MDGA2: variants seen among roughly 807,000 people sequenced by gnomAD.
The protein encoded by MDGA2 is MAM domain containing glycosylphosphatidylinositol anchor 2, also known as MAM domain-containing glycosylphosphatidylinositol anchor protein 2.
In MDGA2, 40 loss-of-function variants were observed where a neutral mutation model predicts 117.8. The observed-to-expected ratio is 0.34, with a 90% CI of 0.26 to 0.44. The LOEUF is 0.44. Ranked by LOEUF, MDGA2 falls within the 20% of genes least tolerant of loss-of-function variation. The pLI is 1.00. For missense variants in MDGA2, 1,123 were observed against 1,250.6 expected (o/e 0.90, Z 1.54); for synonymous variants, 452 against 439.0 (o/e 1.03, Z -0.37).
intron 1 of MDGA2, among the ~76,000 whole-genome samples, chr14:47,436,022 C>T (rs992647113): frequency 6.6e-6 from 1 of 152,012 alleles, no homozygotes; most frequent in Non-Finnish European, 1.5e-5. Flanking sequence ...TCAGAGAGGC[C>T]ATCCTTATGA....
At chr14:47,293,408 C>T (rs1401525129) in intron 2 of MDGA2, among the ~76,000 whole-genome samples, 2 of 152,126 alleles carry the variant, frequency 1.3e-5, no homozygotes, top group Non-Finnish European at 2.9e-5. Flanking sequence ...AGCCCAGTAT[C>T]GTCACACTCT....
chr14:46,881,468 C>T (rs913890784), intron 11 of MDGA2, among the ~76,000 whole-genome samples: 3 of 152,058 alleles, frequency 2.0e-5, no homozygotes, highest in Non-Finnish European at 1.5e-5. Flanking sequence ...CATATAACTG[C>T]ACAACACAAA....
intron 1 of MDGA2, among the ~76,000 whole-genome samples, chr14:47,359,109 A>G (rs1891057017): frequency 6.6e-6 from 1 of 152,200 alleles, no homozygotes; most frequent in Non-Finnish European, 1.5e-5. Flanking sequence ...TAATCCCAGC[A>G]CTTTGGGAGG....
intron 1 of MDGA2, among the ~76,000 whole-genome samples, chr14:47,351,207 G>A (rs1435202723): frequency 3.3e-5 from 5 of 151,440 alleles, no homozygotes; most frequent in Non-Finnish European, 7.4e-5. Flanking sequence ...TCAGCCTCCC[G>A]AGTAGCTGGG....
chr14:47,418,367 C>G (rs557586885), intron 1 of MDGA2, among the ~76,000 whole-genome samples: 2 of 152,020 alleles, frequency 1.3e-5, no homozygotes, highest in East Asian at 1.9e-4. Flanking sequence ...ATTACAGGTG[C>G]GAGCCACCAC....
intron 5 of MDGA2, 90 bp downstream of exon 5, chr14:47,131,624 G>C: frequency 9.4e-7 from 1 of 1,063,452 alleles, no homozygotes; most frequent in East Asian, 2.4e-5. Flanking sequence ...ATACACCGTA[G>C]AAATCATTTG....
chr14:47,104,696 A>C (rs1456935684), intron 5 of MDGA2, among the ~76,000 whole-genome samples: 1 of 151,960 alleles, frequency 6.6e-6, no homozygotes, highest in Admixed American at 6.5e-5. Context: ...GCCGTGACTC[A>C]GATCGGGGGA....
chr14:47,439,232 G>A (rs967202658), intron 1 of MDGA2, among the ~76,000 whole-genome samples: 1 of 151,950 alleles, frequency 6.6e-6, no homozygotes, highest in African/African-American at 2.4e-5. Context: ...TGAGAGATAT[G>A]GCAATGACTT....
chr14:47,362,002 T>A lies in MDGA2; in HGVS notation c.281-60452A>T, dbSNP rs117467592. ...GATAGTGGGTTTTGTTTTAACATTATACTTTGCAAAATAGAAAGTTTGTAA... is the reference window on the plus strand; with the variant it reads ...GATAGTGGGTTTTGTTTTAACATTAAACTTTGCAAAATAGAAAGTTTGTAA... On this transcript the variant is annotated intron_variant, in intron 1 of 16. Coordinates refer to ENST00000399232, the MANE Select transcript of MDGA2 (RefSeq NM_001113498.3). Among the ~76,000 whole-genome samples the A allele has an allele frequency of 3.9e-4, 59 of 152,322 alleles. 1 individual carries two copies. In the East Asian group the frequency reaches 0.011, roughly 27 times the overall value.
At chr14:47,383,216 G>T (rs1204382744) in intron 1 of MDGA2, among the ~76,000 whole-genome samples, 1 of 151,994 alleles carries the variant, frequency 6.6e-6, no homozygotes, top group Non-Finnish European at 1.5e-5. Context: ...GGATGGGGGA[G>T]GGATAGCATT....
intron 1 of MDGA2, among the ~76,000 whole-genome samples, chr14:47,473,114 T>C (rs1353381645): frequency 6.6e-6 from 1 of 151,836 alleles, no homozygotes; most frequent in African/African-American, 2.4e-5. Context: ...GTGCCATGAG[T>C]TTATGAGGAT....
chr14:47,667,446 A>G (rs1331756142), intron 1 of MDGA2, among the ~76,000 whole-genome samples: 1 of 152,218 alleles, frequency 6.6e-6, no homozygotes, highest in Non-Finnish European at 1.5e-5. Context: ...CACAGGCTCT[A>G]TTAAGAGCCC....
intron 1 of MDGA2, among the ~76,000 whole-genome samples, chr14:47,384,892 C>T (rs1353387352): frequency 6.6e-6 from 1 of 152,174 alleles, no homozygotes; most frequent in Non-Finnish European, 1.5e-5. Context: ...GATAGCTGAG[C>T]CTATAACAAT....
chr14:47,319,362 T>C (rs1594793427), intron 1 of MDGA2, among the ~76,000 whole-genome samples: 2 of 152,320 alleles, frequency 1.3e-5, no homozygotes, highest in South Asian at 2.1e-4. Flanking sequence ...TCTGCAAAAT[T>C]ATATTTGTTT....
intron 1 of MDGA2, 62 bp downstream of exon 1, chr14:47,674,455 C>T: frequency 1.4e-6 from 2 of 1,424,778 alleles, no homozygotes; most frequent in Non-Finnish European, 1.9e-6. Context: ...CGTGCATTTT[C>T]GCTCACCAGC....
chr14:47,548,023 C>T (rs1374476088), intron 1 of MDGA2, among the ~76,000 whole-genome samples: 1 of 152,162 alleles, frequency 6.6e-6, no homozygotes, highest in African/African-American at 2.4e-5. Context: ...TATGATAAAT[C>T]CACCAACCCA....
chr14:47,590,939 T>A (rs1011959851), intron 1 of MDGA2, among the ~76,000 whole-genome samples: 24 of 152,000 alleles, frequency 1.6e-4, no homozygotes, highest in Non-Finnish European at 3.5e-4. Flanking sequence ...CTTCACAAAG[T>A]AACATTTTCT....
intron 2 of MDGA2, among the ~76,000 whole-genome samples, chr14:47,226,116 C>T (rs1414175344): frequency 6.6e-6 from 1 of 151,294 alleles, no homozygotes; most frequent in Non-Finnish European, 1.5e-5. Flanking sequence ...ATAGGGAGAC[C>T]CCTATCTCTA....
chr14:47,478,252 T>C (rs7146896), intron 1 of MDGA2, among the ~76,000 whole-genome samples: 2,589 of 152,338 alleles, frequency 0.017, 83 homozygotes, highest in African/African-American at 0.058. Flanking sequence ...GAAGGAGACA[T>C]ATTTTTAACA....
Sources: gnomAD v4.1 joint callset for allele counts (sites outside exome capture counted in the v4.1 genomes callset) on GRCh38, gnomAD v4.1.1 for gene constraint, MANE v1.5 for transcripts, NCBI Gene and HGNC (gene_info 2026-07-23, HGNC 2026-07-21) for gene names.